The following LIMK1 variants were observed in gnomAD, a reference collection of about 807,000 sequenced individuals.
LIMK1 encodes the protein LIM domain kinase 1.
A neutral mutation model predicts 77.6 loss-of-function variants in LIMK1; 21 were observed. That is an observed-to-expected ratio of 0.27 (90% CI 0.19 to 0.39). LIMK1 has a LOEUF of 0.39. Among genes scored for constraint, LIMK1 ranks in the 10% least tolerant of loss-of-function variants. The pLI, the probability that LIMK1 is intolerant of heterozygous loss-of-function variation, is 1.00. For synonymous variants in LIMK1, 358 were observed against 370.0 expected (o/e 0.97, Z 0.37); for missense variants, 696 against 901.6 (o/e 0.77, Z 2.92).
intron 13 of LIMK1, among the ~76,000 whole-genome samples, chr7:74,120,347 G>A (rs1403283607): frequency 1.6e-4 from 25 of 152,316 alleles, no homozygotes; most frequent in Admixed American, 1.5e-3. Flanking sequence ...TCGGTGCCTC[G>A]AACTCCTTGT....
chr7:74,107,722 A>G (rs1331373714), intron 8 of LIMK1, 149 bp from the exon 9 acceptor site: 2 of 606,520 alleles, frequency 3.3e-6, no homozygotes, highest in Admixed American at 2.8e-5. Flanking sequence ...CATCCCATCC[A>G]CTTGGGTATT....
At chr7:74,088,377 C>T (rs774814930) in intron 2 of LIMK1, among the ~76,000 whole-genome samples, 4 of 152,090 alleles carry the variant, frequency 2.6e-5, no homozygotes, top group Admixed American at 6.6e-5. Context: ...ATCTGCACAG[C>T]GGTGGGATGG....
At position 74,093,423 on chromosome 7, in the gene LIMK1, A is replaced by G. The variant is rs1216109602; in HGVS notation, c.153-3199A>G. ...GGGGCAGAACTGAAACTCCTTGGTT[A>G]CTGTCGGCTGCAGCCTGGGAGCAGG... is the stretch of plus-strand genomic sequence containing the variant. On this transcript the variant is annotated intron_variant, in intron 2 of 15. Transcript: ENST00000336180. 13 of 1,210,608 alleles carry G rather than the reference A, an allele frequency of 1.1e-5. No homozygotes were observed. In the East Asian group the frequency reaches 2.8e-4, roughly 26 times the overall value. The allele number at this position is 1,210,608 out of a possible 1,614,324, so 75.0% of individuals were successfully genotyped here.
intron 1 of LIMK1, among the ~76,000 whole-genome samples, chr7:74,084,639 G>A (rs1554693808): frequency 6.6e-6 from 1 of 152,150 alleles, no homozygotes; most frequent in East Asian, 1.9e-4. Context: ...CTCCCTGTCC[G>A]TGCCCCAAAC....
At position 74,111,736 on chromosome 7, in the gene LIMK1, TC is replaced by T. The variant is rs1554698673; in HGVS notation, c.1344+30del. 3 of 1,603,896 alleles carry T rather than the reference TC, an allele frequency of 1.9e-6. No individual in the cohort carries two copies. In the South Asian group the frequency reaches 3.3e-5, roughly 18 times the overall value. ...AGTGAGCCGGGTGCTCTAGCTCCAT[TC>T]ATAATCCCACCAGGAATTTGCAAAC... On this transcript the variant is annotated intron_variant, in intron 11 of 15. Coordinates refer to ENST00000336180, the MANE Select transcript of LIMK1 (RefSeq NM_002314.4).
At chr7:74,115,579 G>A (rs1233039373) in intron 12 of LIMK1, 4 of 524,058 alleles carry the variant, frequency 7.6e-6, no homozygotes, top group African/African-American at 7.6e-5. Flanking sequence ...CGTGTGGTGG[G>A]AGGGAGGAAG....
rs568175663 is a variant in LIMK1 at position 74,090,438 on chromosome 7, G to A, written c.152+4594G>A. On this transcript the variant is annotated intron_variant, in intron 2 of 15. Transcript: ENST00000336180. ...AAGTAAGAGCCATGGCTTCTACCTC[G>A]TGGCTTGTGGGTGTGATACTCCCAA... 7.2e-5 allele frequency among the ~76,000 whole-genome samples: 11 copies of A among 151,926 alleles called. No homozygotes were observed. In the South Asian group the frequency reaches 1.5e-3, roughly 20 times the overall value.
intron 2 of LIMK1, 31 bp downstream of exon 2, chr7:74,085,875 C>T (rs373926284): frequency 2.4e-5 from 36 of 1,496,112 alleles, no homozygotes; most frequent in Non-Finnish European, 3.2e-5. Flanking sequence ...CCTGTGTTGC[C>T]CTAAACAAGG....
chr7:74,115,667 A>C, intron 12 of LIMK1, 135 bp from the exon 13 acceptor site: 2 of 963,186 alleles, frequency 2.1e-6, no homozygotes, highest in Non-Finnish European at 3.0e-6. Flanking sequence ...AGGGGTCCCC[A>C]CCCTGTGCCA....
chr7:74,119,053 G>A (rs1023613807), intron 13 of LIMK1, among the ~76,000 whole-genome samples: 3 of 151,674 alleles, frequency 2.0e-5, no homozygotes, highest in Non-Finnish European at 4.4e-5. Context: ...CCGCCACCAC[G>A]CCTGGCTAAT....
At chr7:74,088,203 A>G (rs1407578899) in intron 2 of LIMK1, among the ~76,000 whole-genome samples, 2 of 152,236 alleles carry the variant, frequency 1.3e-5, no homozygotes, top group Non-Finnish European at 2.9e-5. Flanking sequence ...AAATTGGGAC[A>G]CAGAGAGGTT....
In LIMK1 at chr7:74,085,703, T is replaced by C. The variant is rs782791131; in HGVS notation, c.56-45T>C. ...CAGGGCAAGCTGGGCCTGCACCAGA[T>C]CACACTTCCTGAGAATGCTTCCCAA... On this transcript the variant is annotated intron_variant, in intron 1 of 15. Coordinates refer to ENST00000336180, the MANE Select transcript of LIMK1 (RefSeq NM_002314.4). 3.2e-5 allele frequency: 47 copies of C among 1,490,284 alleles called. No homozygotes were observed. In the South Asian group the frequency reaches 5.5e-4, roughly 18 times the overall value. The allele number at this position is 1,490,284 out of a possible 1,614,324, so 92.3% of individuals were successfully genotyped here.
rs1554697352 is a variant in LIMK1 at position 74,105,882 on chromosome 7, C to A, written c.616C>A (p.Pro206Thr). The A allele has an allele frequency of 3.1e-6, 5 of 1,613,424 alleles. No homozygotes were observed. The South Asian group carries it at 5.5e-5, about 18-fold the overall frequency. ...SHTVRVQGVD[P>T]GCMSPDVKNS... ...CCCCTGCCTTACCCACAGAGTGGAT[C>A]CGGGCTGCATGAGCCCAGATGTGAA... The change falls in exon 6 of 16, where the codon CCG becomes ACG. Residue 206 changes from proline to threonine, a missense_variant. Physicochemically the swap from Pro to Thr is conservative, Grantham distance 38. Transcript: ENST00000336180.
rs547870473 is a variant in LIMK1, at chr7:74,116,067, C to T, written c.1567+109C>T. On this transcript the variant is annotated intron_variant, in intron 13 of 15. Transcript: ENST00000336180. ...GCCCCTCCCAGCCTCCTTGGCTCTT[C>T]AGTTACCCTGTGGGTCCTGTTGCTC... 2.5e-4 allele frequency: 294 copies of T among 1,197,724 alleles called. 1 individual carries two copies. In the African/African-American group the frequency reaches 4.2e-3, roughly 17 times the overall value. 74.2% of individuals were successfully genotyped at this position (1,197,724 alleles called of 1,614,324 possible).
chr7:74,120,780 C>A, intron 14 of LIMK1, 112 bp from the exon 15 acceptor site: 1 of 1,541,834 alleles, frequency 6.5e-7, no homozygotes, highest in Non-Finnish European at 8.9e-7. Context: ...TGGGGTACTG[C>A]AGTCAGGCTG....
intron 12 of LIMK1, among the ~76,000 whole-genome samples, chr7:74,115,079 A>G (rs1799780201): frequency 6.6e-6 from 1 of 151,944 alleles, no homozygotes; most frequent in Non-Finnish European, 1.5e-5. Flanking sequence ...CAACCTAAAT[A>G]AATAGTAAAT....
rs77150450 is a variant in LIMK1, at chr7:74,112,131, G to A, written c.1410+133G>A. ...TGACTTCAATTTGAGGTGGGGGTGG[G>A]GGGCAGCAGCCCGTGGGGAAGAGCG... On this transcript the variant is annotated intron_variant, in intron 12 of 15. Coordinates refer to ENST00000336180, the MANE Select transcript of LIMK1 (RefSeq NM_002314.4). The A allele has an allele frequency of 2.1e-3, 1,527 of 725,646 alleles. 22 individuals are homozygous for A. In the African/African-American group the frequency reaches 0.023, roughly 11 times the overall value. 45.0% of individuals were successfully genotyped at this position (725,646 alleles called of 1,614,324 possible).
intron 5 of LIMK1, among the ~76,000 whole-genome samples, chr7:74,104,449 A>G (rs1554697039): frequency 6.6e-6 from 1 of 151,990 alleles, no homozygotes; most frequent in African/African-American, 2.4e-5. Flanking sequence ...AACATAGAGA[A>G]ACCCCATCTG....
At chr7:74,118,910 T>C (rs1291521749) in intron 13 of LIMK1, among the ~76,000 whole-genome samples, 1 of 151,962 alleles carries the variant, frequency 6.6e-6, no homozygotes, top group Non-Finnish European at 1.5e-5. Context: ...TTTTTTGTTT[T>C]TTCTGAGACC....
Sources: allele counts gnomAD v4.1 joint callset (sites outside exome capture counted in the v4.1 genomes callset), GRCh38; gene constraint gnomAD v4.1.1; transcripts MANE v1.5; gene names NCBI Gene and HGNC (gene_info 2026-07-23, HGNC 2026-07-21).